Variants in ANKRD29 observed in about 807,000 individuals in gnomAD.
ANKRD29 encodes the protein ankyrin repeat domain-containing protein 29.
In ANKRD29, 32 loss-of-function variants were observed where a neutral mutation model predicts 38.0. That is an observed-to-expected ratio of 0.84 (90% CI 0.64 to 1.13). The LOEUF (loss-of-function observed/expected upper bound fraction) is 1.13. ANKRD29 is among the 50% of genes most tolerant of loss of function. The probability of loss-of-function intolerance (pLI) is 0.00; values close to 1 mark genes in which losing one functional copy is unlikely to be tolerated. For missense variants in ANKRD29, 357 were observed against 377.9 expected, an observed-to-expected ratio of 0.94 and a Z score of 0.46; for synonymous variants, 135 against 152.4, an observed-to-expected ratio of 0.89 and a Z score of 0.84.
chr18:23,639,395 A>C (rs1333547931), intron 3 of ANKRD29, among the ~76,000 whole-genome samples: 1 of 152,218 alleles, frequency 6.6e-6, no homozygotes, highest in East Asian at 1.9e-4. Flanking sequence ...ATGTATCCAT[A>C]CAATGGACTA....
intron 1 of ANKRD29, among the ~76,000 whole-genome samples, chr18:23,657,091 C>T (rs2060294520): frequency 6.6e-6 from 1 of 152,234 alleles, no homozygotes; most frequent in Non-Finnish European, 1.5e-5. Context: ...GGTCGTCCCA[C>T]CTTCCCAACC....
intron 8 of ANKRD29, among the ~76,000 whole-genome samples, chr18:23,614,132 G>A (rs112746539): frequency 0.032 from 4,931 of 151,986 alleles, 259 homozygotes; most frequent in African/African-American, 0.11. Flanking sequence ...GTGCAGTGGC[G>A]TGATCTCGGC....
At chr18:23,636,588 T>G (rs1328541240) in intron 4 of ANKRD29, among the ~76,000 whole-genome samples, 1 of 151,486 alleles carries the variant, frequency 6.6e-6, no homozygotes, top group Non-Finnish European at 1.5e-5. Flanking sequence ...TTAAAAAAAT[T>G]TTTTTTAGAC....
intron 6 of ANKRD29, among the ~76,000 whole-genome samples, chr18:23,624,623 A>C (rs1160788268): frequency 6.6e-6 from 1 of 152,120 alleles, no homozygotes; most frequent in East Asian, 1.9e-4. Flanking sequence ...CAAGTGATAG[A>C]AAGAAGACAG....
chr18:23,637,162 T>G (rs868061583), intron 4 of ANKRD29, among the ~76,000 whole-genome samples: 15 of 152,226 alleles, frequency 9.9e-5, no homozygotes, highest in Non-Finnish European at 1.8e-4. Flanking sequence ...ATATGGTCAC[T>G]CACGATCATT....
At chr18:23,628,252 C>T (rs905858711) in intron 6 of ANKRD29, among the ~76,000 whole-genome samples, 1 of 152,180 alleles carries the variant, frequency 6.6e-6, no homozygotes, top group Non-Finnish European at 1.5e-5. Context: ...GGATTCCTGA[C>T]CTCAAAACCA....
intron 6 of ANKRD29, among the ~76,000 whole-genome samples, chr18:23,625,486 GGA>G (rs1022050417): frequency 6.6e-6 from 1 of 151,982 alleles, no homozygotes; most frequent in African/African-American, 2.4e-5. Flanking sequence ...AAAGGAGTGG[GGA>G]GAAACAGAGA....
chr18:23,617,420 T>C (rs2059738326), intron 8 of ANKRD29, among the ~76,000 whole-genome samples: 1 of 152,180 alleles, frequency 6.6e-6, no homozygotes, highest in African/African-American at 2.4e-5. Flanking sequence ...GTGTCTGTTC[T>C]TCTTCCTTGA....
chr18:23,602,433 C>T (rs1010371150), intron 9 of ANKRD29, among the ~76,000 whole-genome samples: 1 of 152,152 alleles, frequency 6.6e-6, no homozygotes, highest in South Asian at 2.1e-4. Context: ...TTCCACCTTA[C>T]TCAGTATCAC....
At chr18:23,657,133 C>A (rs1306092531) in intron 1 of ANKRD29, among the ~76,000 whole-genome samples, 1 of 152,268 alleles carries the variant, frequency 6.6e-6, no homozygotes, top group Non-Finnish European at 1.5e-5. Context: ...GTTGTCACCT[C>A]CTTATCGTTC....
At chr18:23,623,011 G>A (rs767723475) in intron 6 of ANKRD29, among the ~76,000 whole-genome samples, 2 of 152,232 alleles carry the variant, frequency 1.3e-5, no homozygotes, top group African/African-American at 2.4e-5. Context: ...GCCTGAGTGA[G>A]TGTCCTCTTA....
At chr18:23,643,184 T>C (rs1456451964) in intron 3 of ANKRD29, among the ~76,000 whole-genome samples, 1 of 152,192 alleles carries the variant, frequency 6.6e-6, no homozygotes, top group Non-Finnish European at 1.5e-5. Context: ...CATCAGGCTG[T>C]GCCCTCAGCC....
At chr18:23,617,499 A>T (rs1397091892) in intron 8 of ANKRD29, among the ~76,000 whole-genome samples, 3 of 147,170 alleles carry the variant, frequency 2.0e-5, no homozygotes, top group African/African-American at 7.4e-5. Context: ...ACTACTGTCG[A>T]TTTTTTTTTT....
At chr18:23,639,717 G>A (rs898415201) in intron 3 of ANKRD29, among the ~76,000 whole-genome samples, 1 of 152,018 alleles carries the variant, frequency 6.6e-6, no homozygotes. Context: ...TGTATTTTTA[G>A]TAGAAACAGG....
intron 1 of ANKRD29, among the ~76,000 whole-genome samples, chr18:23,656,124 A>C (rs2060280532): frequency 6.6e-6 from 1 of 151,766 alleles, no homozygotes; most frequent in Non-Finnish European, 1.5e-5. Flanking sequence ...AATTCTAACA[A>C]ACATGTGTCT....
rs148460332 is a variant in ANKRD29, at chr18:23,616,422, C to T, written c.723+1310G>A. Among the ~76,000 whole-genome samples, 1,294 of 149,216 alleles carry T rather than the reference C, an allele frequency of 8.7e-3. 16 individuals carry two copies. The highest frequency in any genetic ancestry group is 0.037 in the East Asian group (188 of 5,108). On this transcript the variant is annotated intron_variant, in intron 8 of 9. Transcript: ENST00000592179. ...TGTGTGGCTGTAGTCCCAGCCGAGG[C>T]AGGAGGATTACTTGAGCGCAAGAAT... is the stretch of plus-strand genomic sequence containing the variant.
intron 8 of ANKRD29, among the ~76,000 whole-genome samples, chr18:23,612,530 G>A (rs2059656904): frequency 6.6e-6 from 1 of 152,206 alleles, no homozygotes; most frequent in Non-Finnish European, 1.5e-5. Flanking sequence ...TGTTCTTCAA[G>A]GACAACACGT....
At chr18:23,645,913 G>T (rs2060132942) in intron 3 of ANKRD29, among the ~76,000 whole-genome samples, 1 of 151,922 alleles carries the variant, frequency 6.6e-6, no homozygotes, top group South Asian at 2.1e-4. Flanking sequence ...GAGTAATAAA[G>T]AACTGATTTA....
Position 23,612,203 on chromosome 18 carries a change from G to A in ANKRD29, c.724-13C>T. On this transcript the variant is annotated splice_polypyrimidine_tract_variant and intron_variant, in intron 8 of 9. Transcript: ENST00000592179. ...CTGATGTCCCATTCTAAGAGAAAAT[G>A]ACAGTGTGTGTCAGGAGTGAGCTCA... The A allele has an allele frequency of 3.7e-6, 6 of 1,610,278 alleles. No homozygotes were observed. The highest frequency in any genetic ancestry group is 5.1e-6 in the Non-Finnish European group (6 of 1,177,658).
Sources: gnomAD v4.1 joint callset for allele counts (sites outside exome capture counted in the v4.1 genomes callset) on GRCh38, gnomAD v4.1.1 for gene constraint, MANE v1.5 for transcripts, NCBI Gene and HGNC (gene_info 2026-07-23, HGNC 2026-07-21) for gene names.